Variants in GPHN observed in about 807,000 individuals in gnomAD.
The protein encoded by GPHN is gephyrin.
GPHN carries 17 observed loss-of-function variants against 95.5 expected under a neutral mutation model. The ratio of observed to expected loss-of-function variants is 0.18; its 90% CI spans 0.12 to 0.27. The LOEUF is 0.27. Ranked by LOEUF, GPHN falls within the 10% of genes least tolerant of loss-of-function variation. The pLI is 1.00. For synonymous variants in GPHN, 320 were observed against 322.5 expected, an observed-to-expected ratio of 0.99 and a Z score of 0.08; for missense variants, 660 against 978.1, an observed-to-expected ratio of 0.67 and a Z score of 4.34.
chr14:67,426,267 T>C, the GPHN span, among the ~76,000 whole-genome samples: 1 of 152,072 alleles, frequency 6.6e-6, no homozygotes, highest in Non-Finnish European at 1.5e-5. Flanking sequence ...ATCTCTGGGC[T>C]GAGTTGGGTA....
At chr14:67,231,114 G>T in the GPHN span, among the ~76,000 whole-genome samples, 1 of 152,152 alleles carries the variant, frequency 6.6e-6, no homozygotes, top group Non-Finnish European at 1.5e-5. Flanking sequence ...TGAAGATGAG[G>T]GGTGGGTGGA....
rs1276565818 is a variant in GPHN, at chr14:66,701,146, ATACATATGTATATATGCATATT to A, written c.143+19970_143+19991del. On this transcript the variant is annotated intron_variant, in intron 2 of 22. Coordinates refer to ENST00000478722, the MANE Select transcript of GPHN (RefSeq NM_020806.5). ...CAAATGTGAATGTACAGATACATATATACATATGTATATATGCATATTTACATATGCATGTAAGTGCAATATG... is the reference window on the plus strand; with the variant it reads ...CAAATGTGAATGTACAGATACATATATACATATGCATGTAAGTGCAATATG... Among the ~76,000 whole-genome samples, 4 of 152,190 alleles carry A rather than the reference ATACATATGTATATATGCATATT, an allele frequency of 2.6e-5. No individual in the cohort carries two copies. The South Asian group carries it at 6.2e-4, about 24-fold the overall frequency.
the GPHN span, among the ~76,000 whole-genome samples, chr14:67,592,990 T>A: frequency 6.6e-6 from 1 of 152,142 alleles, no homozygotes; most frequent in South Asian, 2.1e-4. Flanking sequence ...TTTCACCATG[T>A]TGGTCAGGCT....
chr14:67,159,113 A>T (rs1185783191), intron 18 of GPHN, among the ~76,000 whole-genome samples: 1 of 152,194 alleles, frequency 6.6e-6, no homozygotes, highest in African/African-American at 2.4e-5. Context: ...GTTTTTATCT[A>T]ACTTCTCCTA....
At chr14:66,596,794 G>A (rs769121499) in intron 1 of GPHN, among the ~76,000 whole-genome samples, 3 of 152,054 alleles carry the variant, frequency 2.0e-5, no homozygotes, top group African/African-American at 4.8e-5. Context: ...AACTGCGCCC[G>A]GGGGGCGGGG....
In GPHN at chr14:67,144,242, A is replaced by ATAT. The variant is rs1567399860; in HGVS notation, c.1836+793_1836+794insTAT. On this transcript the variant is annotated intron_variant, in intron 18 of 22. Coordinates refer to ENST00000478722, the MANE Select transcript of GPHN (RefSeq NM_020806.5). ...ACACAGCAAGACCCTGTCTTAAAAA[A>ATAT]AAAAAAAAATATATATATATATATA... Among the ~76,000 whole-genome samples the ATAT allele has an allele frequency of 2.1e-4, 14 of 68,064 alleles. 1 individual carries two copies. The highest frequency in any genetic ancestry group is 7.1e-4 in the African/African-American group (9 of 12,612). 44.7% of individuals were successfully genotyped at this position (68,064 alleles called of 152,430 possible).
intron 10 of GPHN, among the ~76,000 whole-genome samples, chr14:67,026,023 C>G (rs187984665): frequency 5.3e-5 from 8 of 152,306 alleles, no homozygotes; most frequent in Middle Eastern, 3.4e-3. Flanking sequence ...CTTTCTGTGA[C>G]TCTGACTCTA....
the GPHN span, among the ~76,000 whole-genome samples, chr14:67,403,813 A>G: frequency 1.3e-5 from 2 of 152,220 alleles, no homozygotes; most frequent in South Asian, 4.1e-4. Context: ...GCACTTTGGG[A>G]GGCCAAGGAG....
At chr14:66,931,452 A>T (rs3902650) in intron 8 of GPHN, among the ~76,000 whole-genome samples, 2,087 of 151,146 alleles carry the variant, frequency 0.014, 27 homozygotes, top group Middle Eastern at 0.017. Flanking sequence ...CCCTGATCTC[A>T]GTCTCTCTCT....
the GPHN span, among the ~76,000 whole-genome samples, chr14:67,660,397 C>G: frequency 6.6e-6 from 1 of 152,010 alleles, no homozygotes; most frequent in Non-Finnish European, 1.5e-5. Context: ...ATAGCAAGAC[C>G]TCATCTCTAT....
intron 9 of GPHN, among the ~76,000 whole-genome samples, chr14:67,020,506 G>C (rs2153623943): frequency 6.6e-6 from 1 of 151,956 alleles, no homozygotes; most frequent in Non-Finnish European, 1.5e-5. Flanking sequence ...CTGTTTTTCT[G>C]TTTCACATCT....
chr14:67,037,687 A>G (rs1167498914), intron 10 of GPHN, among the ~76,000 whole-genome samples: 4 of 151,946 alleles, frequency 2.6e-5, no homozygotes, highest in Admixed American at 6.6e-5. Context: ...GCCAACACAC[A>G]TATGAAAAGC....
intron 1 of GPHN, among the ~76,000 whole-genome samples, chr14:66,593,990 C>T (rs1411430298): frequency 1.3e-5 from 2 of 152,012 alleles, no homozygotes; most frequent in African/African-American, 4.8e-5. Flanking sequence ...ATTACAAAAT[C>T]AACATACAAT....
At chr14:67,024,412 T>C (rs1031560430) in intron 10 of GPHN, among the ~76,000 whole-genome samples, 2 of 152,202 alleles carry the variant, frequency 1.3e-5, no homozygotes, top group African/African-American at 4.8e-5. Context: ...TCATTCCATC[T>C]TCTTCCTGAT....
At chr14:67,052,708 C>A (rs1301057855) in intron 10 of GPHN, among the ~76,000 whole-genome samples, 1 of 152,120 alleles carries the variant, frequency 6.6e-6, no homozygotes, top group East Asian at 1.9e-4. Flanking sequence ...TAAAACACTC[C>A]TAACAAATGC....
At chr14:67,367,323 C>T in the GPHN span, among the ~76,000 whole-genome samples, 2 of 152,310 alleles carry the variant, frequency 1.3e-5, no homozygotes, top group Middle Eastern at 3.4e-3. Flanking sequence ...CTCCGACTCC[C>T]TGGTTCAAGC....
At chr14:67,324,775 A>G in the GPHN span, among the ~76,000 whole-genome samples, 2 of 151,770 alleles carry the variant, frequency 1.3e-5, no homozygotes, top group Admixed American at 6.6e-5. Flanking sequence ...TTATAGAGAC[A>G]GGGTCTCGCT....
chr14:67,104,050 C>T (rs1285992455), intron 13 of GPHN, among the ~76,000 whole-genome samples: 1 of 152,016 alleles, frequency 6.6e-6, no homozygotes, highest in African/African-American at 2.4e-5. Context: ...CTTTCTATAC[C>T]TAAGTTGTTG....
At chr14:66,918,507 A>G (rs2066028728) in intron 6 of GPHN, among the ~76,000 whole-genome samples, 1 of 152,178 alleles carries the variant, frequency 6.6e-6, no homozygotes, top group South Asian at 2.1e-4. Context: ...ACTTATGTCA[A>G]AGTGGCCACA....
Sources: gnomAD v4.1 joint callset for allele counts (sites outside exome capture counted in the v4.1 genomes callset) on GRCh38, gnomAD v4.1.1 for gene constraint, MANE v1.5 for transcripts, NCBI Gene and HGNC (gene_info 2026-07-23, HGNC 2026-07-21) for gene names.